Variants in ZNF521 observed in about 807,000 individuals in gnomAD.
ZNF521 encodes zinc finger protein 521.
In ZNF521, 14 loss-of-function variants were observed where a neutral mutation model predicts 105.5. The observed-to-expected ratio is 0.13, with a 90% CI of 0.09 to 0.21. The LOEUF (loss-of-function observed/expected upper bound fraction) is 0.21. Ranked by LOEUF, ZNF521 falls within the 10% of genes least tolerant of loss-of-function variation. The pLI is 1.00. For synonymous variants in ZNF521, 635 were observed against 606.0 expected, an observed-to-expected ratio of 1.05 and a Z score of -0.70; for missense variants, 1,233 against 1,629.7, an observed-to-expected ratio of 0.76 and a Z score of 4.19.
At position 25,151,297 on chromosome 18, in the gene ZNF521, T is replaced by A. The variant is rs564933789; in HGVS notation, c.3658+43863A>T. The stretch of plus-strand genomic sequence containing the variant: ...TGGCCTTCCTGGGACTCTGTACTCA[T>A]CATTGAAGATTCTGCTCAGAAGTTT... On this transcript the variant is annotated intron_variant, in intron 5 of 7. Coordinates refer to ENST00000361524, the MANE Select transcript of ZNF521 (RefSeq NM_015461.3). Among the ~76,000 whole-genome samples, 5 of 152,324 alleles carry A rather than the reference T, an allele frequency of 3.3e-5. No individual in the cohort carries two copies. The South Asian group carries it at 1.0e-3, about 32-fold the overall frequency.
At chr18:25,108,136 T>C (rs898637029) in intron 5 of ZNF521, among the ~76,000 whole-genome samples, 1 of 152,244 alleles carries the variant, frequency 6.6e-6, no homozygotes, top group Non-Finnish European at 1.5e-5. Context: ...TAAGTTTGTT[T>C]TGGCTTATGA....
chr18:25,113,154 C>A (rs1441577176), intron 5 of ZNF521, among the ~76,000 whole-genome samples: 1 of 152,100 alleles, frequency 6.6e-6, no homozygotes, highest in African/African-American at 2.4e-5. Flanking sequence ...AAGTCAAATG[C>A]CTTCATCTGG....
chr18:25,170,681 G>A (rs187587941), intron 5 of ZNF521, among the ~76,000 whole-genome samples: 10 of 152,148 alleles, frequency 6.6e-5, no homozygotes, highest in Admixed American at 3.9e-4. Flanking sequence ...CTATTAAATC[G>A]TAGCCGTGTA....
At chr18:25,281,761 G>A (rs905370690) in intron 3 of ZNF521, among the ~76,000 whole-genome samples, 3 of 152,158 alleles carry the variant, frequency 2.0e-5, no homozygotes, top group Non-Finnish European at 2.9e-5. Flanking sequence ...CCATGAATGC[G>A]ATGAAACACA....
In ZNF521 at chr18:25,070,834, T is replaced by C. The variant is rs577253635; in HGVS notation, c.3907-8093A>G. ...ATACTGTTTGAAAAACACTTGTGCA[T>C]GAATAAATGAAAGCTGGGAAATAAG... is the stretch of plus-strand genomic sequence containing the variant. On this transcript the variant is annotated intron_variant, in intron 7 of 7. Coordinates refer to ENST00000361524, the MANE Select transcript of ZNF521 (RefSeq NM_015461.3). 3.9e-5 allele frequency among the ~76,000 whole-genome samples: 6 copies of C among 152,184 alleles called. No individual in the cohort carries two copies. The South Asian group carries it at 1.2e-3, about 32-fold the overall frequency.
At position 25,079,659 on chromosome 18, in the gene ZNF521, C is replaced by CTA. The variant is rs1567952248; in HGVS notation, c.3906+9805_3906+9806insTA. 2.1e-5 allele frequency among the ~76,000 whole-genome samples: 3 copies of CTA among 143,870 alleles called. No homozygotes were observed. In the East Asian group the frequency reaches 5.8e-4, roughly 28 times the overall value. The allele number at this position is 143,870 out of a possible 152,430, so 94.4% of individuals were successfully genotyped here. ...AGAGAGAAGACAGCTAGGAAGTGAG[C>CTA]GCACAGATGGTGGGGGGGACGCAGG... On this transcript the variant is annotated intron_variant, in intron 7 of 7. Transcript: ENST00000361524.
chr18:25,098,254 T>C (rs966322368), intron 5 of ZNF521, among the ~76,000 whole-genome samples: 1 of 152,130 alleles, frequency 6.6e-6, no homozygotes, highest in Non-Finnish European at 1.5e-5. Flanking sequence ...CAGTGGTATT[T>C]TGGCACAAGT....
chr18:25,227,424 A>G lies in ZNF521; in HGVS notation c.494T>C (p.Ile165Thr). Residue 165 changes from isoleucine to threonine, a missense_variant, in exon 4 of 8, where the codon ATA (isoleucine) becomes ACA (threonine). This residue lies in a region of ZNF521 where 85 missense variants were observed against 162.2 expected (regional missense o/e 0.52). Transcript: ENST00000361524. This position sits in a 1 kb window ranked among gnomAD's most constrained non-coding sequence, Gnocchi z 5.7. ...FKHKRSRDRH[I>T]KLHTGDKKYH... Reference sequence around the variant, plus strand: ...CTTCTTGTCCCCGGTGTGGAGTTTTATGTGGCGATCTCGGCTGCGCTTGTG... The same window carrying G: ...CTTCTTGTCCCCGGTGTGGAGTTTTGTGTGGCGATCTCGGCTGCGCTTGTG... 1 of 1,614,126 alleles carries G rather than the reference A, an allele frequency of 6.2e-7. No individual in the cohort carries two copies. Among genetic ancestry groups the G allele is most frequent in the Non-Finnish European group, 8.5e-7 (1 of 1,180,018 alleles).
chr18:25,287,044 T>C (rs1910744770), intron 3 of ZNF521, among the ~76,000 whole-genome samples: 1 of 152,198 alleles, frequency 6.6e-6, no homozygotes, highest in African/African-American at 2.4e-5. Flanking sequence ...AAATGGCCCA[T>C]TTTTCTTATC....
chr18:25,219,667 A>G (rs1905564232), intron 4 of ZNF521, among the ~76,000 whole-genome samples: 1 of 152,038 alleles, frequency 6.6e-6, no homozygotes, highest in African/African-American at 2.4e-5. Flanking sequence ...AATACAAAAA[A>G]TTAGCCAGGC....
chr18:25,176,522 T>C (rs1009073164), intron 5 of ZNF521, among the ~76,000 whole-genome samples: 1 of 152,212 alleles, frequency 6.6e-6, no homozygotes, highest in Admixed American at 6.5e-5. Flanking sequence ...TAGCCTCTAA[T>C]ATCAGTTATT....
chr18:25,282,415 T>A (rs1388428432), intron 3 of ZNF521, among the ~76,000 whole-genome samples: 1 of 152,118 alleles, frequency 6.6e-6, no homozygotes, highest in Non-Finnish European at 1.5e-5. Flanking sequence ...TGCAGGCTAG[T>A]CCTTCACACC....
Position 25,339,991 on chromosome 18 carries a change from C to T in ZNF521, c.40+10916G>A, listed in dbSNP as rs148814160. Among the ~76,000 whole-genome samples the T allele has an allele frequency of 4.6e-5, 7 of 152,258 alleles. No homozygotes were observed. The East Asian group carries it at 1.4e-3, about 29-fold the overall frequency. ...ACATGCTGCTGCAGGAAAAGAATAC[C>T]AGCATTTGGGCAAATAGATGAACAT... is the stretch of plus-strand genomic sequence containing the variant. On this transcript the variant is annotated intron_variant, in intron 2 of 7. Coordinates refer to ENST00000361524, the MANE Select transcript of ZNF521 (RefSeq NM_015461.3).
At chr18:25,176,636 C>T (rs1221919490) in intron 5 of ZNF521, among the ~76,000 whole-genome samples, 1 of 152,190 alleles carries the variant, frequency 6.6e-6, no homozygotes, top group African/African-American at 2.4e-5. Flanking sequence ...ACTTGGGCCT[C>T]ATTCCACTGC....
At chr18:25,067,383 G>C (rs935261775) in intron 7 of ZNF521, among the ~76,000 whole-genome samples, 3 of 151,978 alleles carry the variant, frequency 2.0e-5, no homozygotes, top group Non-Finnish European at 2.9e-5. Flanking sequence ...AACAGACGAG[G>C]GCCTTAAAAA....
intron 5 of ZNF521, among the ~76,000 whole-genome samples, chr18:25,171,478 C>T (rs1011883611): frequency 7.2e-5 from 11 of 152,070 alleles, no homozygotes; most frequent in Admixed American, 2.6e-4. Flanking sequence ...AGTCTTAAAA[C>T]GGTTACAAAG....
chr18:25,228,142 C>A (rs1260015342), intron 3 of ZNF521, among the ~76,000 whole-genome samples: 1 of 152,056 alleles, frequency 6.6e-6, no homozygotes, highest in Non-Finnish European at 1.5e-5. Flanking sequence ...TGCAGTCAAC[C>A]CAGATGTCTA....
Position 25,335,299 on chromosome 18 carries a change from G to A in ZNF521, c.41-13112C>T, listed in dbSNP as rs1266915054. Among the ~76,000 whole-genome samples, 5 of 152,250 alleles carry A rather than the reference G, an allele frequency of 3.3e-5. No individual in the cohort carries two copies. In the South Asian group the frequency reaches 1.0e-3, roughly 32 times the overall value. On this transcript the variant is annotated intron_variant, in intron 2 of 7. Coordinates refer to ENST00000361524, the MANE Select transcript of ZNF521 (RefSeq NM_015461.3). ...CCTCCCTAGTCTGTCACAAAGTCAT[G>A]GTGTGACCTGGAATACGTAACTTAA...
intron 5 of ZNF521, among the ~76,000 whole-genome samples, chr18:25,129,265 A>AATAATTATT (rs1289258621): frequency 3.2e-5 from 1 of 30,798 alleles, no homozygotes; most frequent in South Asian, 2.4e-3. Flanking sequence ...TAATAATAAT[A>AATAATTATT]ATTATTATTA....
Sources: allele counts gnomAD v4.1 joint callset (sites outside exome capture counted in the v4.1 genomes callset), GRCh38; gene constraint gnomAD v4.1.1; regional missense constraint gnomAD v4.1.1; non-coding constraint Gnocchi (gnomAD v3.1); transcripts MANE v1.5; gene names NCBI Gene and HGNC (gene_info 2026-07-23, HGNC 2026-07-21).